ACTR3C: variants seen among roughly 807,000 people sequenced by gnomAD.
The protein encoded by ACTR3C is actin-related protein 3C.
Under a neutral mutation model 26.3 loss-of-function variants are expected in ACTR3C, and 18 were observed. That is an observed-to-expected ratio of 0.68 (90% CI 0.47 to 1.01). The LOEUF is 1.01. Among genes scored for constraint, ACTR3C ranks in the 50% least tolerant of loss-of-function variants. ACTR3C has a pLI of 0.00. For missense variants in ACTR3C, 184 were observed against 250.7 expected (o/e 0.73, Z 1.80); for synonymous variants, 55 against 94.5 (o/e 0.58, Z 2.42).
chr7:150,009,704 A>G, the ACTR3C span, among the ~76,000 whole-genome samples: 7 of 152,328 alleles, frequency 4.6e-5, no homozygotes, highest in Non-Finnish European at 5.9e-5. Context: ...CTTGGCTTGG[A>G]TTAGGGACGG....
At chr7:150,229,232 T>A in the ACTR3C span, among the ~76,000 whole-genome samples, 1 of 151,672 alleles carries the variant, frequency 6.6e-6, no homozygotes, top group Non-Finnish European at 1.5e-5. Context: ...TGAATAGGAG[T>A]GGTGAGAAGA....
intron 6 of ACTR3C, among the ~76,000 whole-genome samples, chr7:150,273,461 G>A (rs1047911300): frequency 1.3e-5 from 2 of 151,634 alleles, no homozygotes; most frequent in Non-Finnish European, 2.9e-5. Flanking sequence ...TGGTAGATGG[G>A]GTCTCCCTGT....
the ACTR3C span, among the ~76,000 whole-genome samples, chr7:150,198,327 T>C: frequency 3.4e-3 from 498 of 148,032 alleles, 5 homozygotes; most frequent in South Asian, 0.017. Flanking sequence ...GTGAGGAGCC[T>C]CTCTGCCTGG....
the ACTR3C span, among the ~76,000 whole-genome samples, chr7:150,230,493 G>A: frequency 6.6e-6 from 1 of 152,120 alleles, no homozygotes; most frequent in Non-Finnish European, 1.5e-5. Context: ...GAGGTGAGTA[G>A]TGGGTGAGTG....
chr7:150,317,142 T>C (rs1490735691), intron 1 of ACTR3C, among the ~76,000 whole-genome samples: 1 of 152,036 alleles, frequency 6.6e-6, no homozygotes, highest in African/African-American at 2.4e-5. Context: ...ACCTCTGCCT[T>C]CTGGGCTCAA....
chr7:150,033,640 G>A, the ACTR3C span, among the ~76,000 whole-genome samples: 2 of 152,012 alleles, frequency 1.3e-5, no homozygotes, highest in Admixed American at 1.3e-4. Flanking sequence ...GAGCCAGAGG[G>A]GGAAAAGGGA....
At chr7:150,178,381 C>G in the ACTR3C span, among the ~76,000 whole-genome samples, 1 of 148,598 alleles carries the variant, frequency 6.7e-6, no homozygotes, top group South Asian at 2.1e-4. Context: ...CTCCTGGGTT[C>G]AAGCAATTCT....
intron 1 of ACTR3C, among the ~76,000 whole-genome samples, chr7:150,303,500 T>A (rs3095091): frequency 6.6e-6 from 1 of 152,234 alleles, no homozygotes; most frequent in African/African-American, 2.4e-5. Flanking sequence ...AACATTTCAC[T>A]GTCTTTGAAG....
chr7:150,294,307 G>A (rs6968954), intron 2 of ACTR3C, among the ~76,000 whole-genome samples: 23 of 152,090 alleles, frequency 1.5e-4, no homozygotes, highest in African/African-American at 4.8e-4. Flanking sequence ...TGCACACGGC[G>A]GCGCCCACAA....
chr7:150,005,205 A>G, the ACTR3C span: 2 of 152,226 alleles, frequency 1.3e-5, no homozygotes, highest in African/African-American at 4.8e-5. Flanking sequence ...AATTCCACCT[A>G]AATAAACAGA....
chr7:150,146,354 A>C, the ACTR3C span, among the ~76,000 whole-genome samples: 2 of 152,186 alleles, frequency 1.3e-5, no homozygotes, highest in Non-Finnish European at 2.9e-5. Flanking sequence ...TCCCCAGTTC[A>C]AACACAATCC....
At chr7:150,179,681 G>A in the ACTR3C span, among the ~76,000 whole-genome samples, 1 of 151,222 alleles carries the variant, frequency 6.6e-6, no homozygotes, top group Non-Finnish European at 1.5e-5. Context: ...GTAGAGGCAG[G>A]GGTCTCGCTA....
chr7:150,072,800 G>A, the ACTR3C span, among the ~76,000 whole-genome samples: 6 of 152,276 alleles, frequency 3.9e-5, no homozygotes, highest in South Asian at 8.3e-4. Context: ...GGTGCAGACA[G>A]ATTTCCTGAG....
chr7:150,213,219 T>C, the ACTR3C span, among the ~76,000 whole-genome samples: 3 of 152,196 alleles, frequency 2.0e-5, no homozygotes, highest in Admixed American at 1.3e-4. Flanking sequence ...GGTTCTGTGA[T>C]ATACTCATGT....
the ACTR3C span, among the ~76,000 whole-genome samples, chr7:150,161,202 T>TTATATATATATATATA: frequency 0.03 from 3,017 of 102,268 alleles, 148 homozygotes; most frequent in East Asian, 0.044. Flanking sequence ...AGGAAAGTAT[T>TTATATATATATATATA]TATATATATA....
chr7:150,040,575 C>T, the ACTR3C span: 9 of 148,028 alleles, frequency 6.1e-5, no homozygotes, highest in East Asian at 3.9e-4. Context: ...CCTTAAGCTC[C>T]GGTAGATTGC....
At chr7:150,305,633 C>G (rs866288049) in intron 1 of ACTR3C, among the ~76,000 whole-genome samples, 9 of 152,308 alleles carry the variant, frequency 5.9e-5, no homozygotes, top group Middle Eastern at 3.4e-3. Context: ...TTCCGAAGTT[C>G]TAATTCAGTT....
At chr7:150,021,220 C>T in the ACTR3C span, among the ~76,000 whole-genome samples, 786 of 151,870 alleles carry the variant, frequency 5.2e-3, 3 homozygotes, top group Non-Finnish European at 8.9e-3. Context: ...AGCTGCAGAC[C>T]ACCTGGCAAG....
the ACTR3C span, among the ~76,000 whole-genome samples, chr7:149,912,083 G>A: frequency 6.6e-6 from 1 of 151,780 alleles, no homozygotes; most frequent in Non-Finnish European, 1.5e-5. Context: ...CCAAGTGATA[G>A]CATTCATTCT....
Sources: gnomAD v4.1 joint callset for allele counts (sites outside exome capture counted in the v4.1 genomes callset) on GRCh38, gnomAD v4.1.1 for gene constraint, MANE v1.5 for transcripts, NCBI Gene and HGNC (gene_info 2026-07-23, HGNC 2026-07-21) for gene names.